LRRC4C: variants seen among roughly 807,000 people sequenced by gnomAD.
The protein encoded by LRRC4C is leucine-rich repeat-containing protein 4C.
LRRC4C carries 5 observed loss-of-function variants against 33.6 expected under a neutral mutation model. That is an observed-to-expected ratio of 0.15 (90% confidence interval 0.08 to 0.31). The LOEUF is 0.31. Among genes scored for constraint, LRRC4C ranks in the 10% least tolerant of loss-of-function variants. LRRC4C has a pLI of 1.00. For missense variants in LRRC4C, 560 were observed against 796.7 expected (o/e 0.70, Z 3.58); for synonymous variants, 329 against 302.0 (o/e 1.09, Z -0.93).
At chr11:41,191,377 A>G (rs1018724580) in intron 1 of LRRC4C, among the ~76,000 whole-genome samples, 1 of 152,162 alleles carries the variant, frequency 6.6e-6, no homozygotes, top group Non-Finnish European at 1.5e-5. Context: ...CAATTATAGA[A>G]GAATTATTTG....
chr11:40,550,153 A>G (rs1957078120), intron 3 of LRRC4C, among the ~76,000 whole-genome samples: 1 of 152,172 alleles, frequency 6.6e-6, no homozygotes, highest in Admixed American at 6.6e-5. Flanking sequence ...GAGGTCAACA[A>G]GCATATTCAC....
At chr11:41,281,788 C>A (rs957221551) in intron 1 of LRRC4C, among the ~76,000 whole-genome samples, 4 of 152,218 alleles carry the variant, frequency 2.6e-5, no homozygotes, top group Non-Finnish European at 4.4e-5. Context: ...CATTAAGCCA[C>A]TCCAACAATC....
At chr11:40,982,842 G>A (rs145380057) in intron 1 of LRRC4C, among the ~76,000 whole-genome samples, 18 of 151,916 alleles carry the variant, frequency 1.2e-4, no homozygotes, top group African/African-American at 4.3e-4. Flanking sequence ...CCCTCCAATG[G>A]TCCCCAGGGT....
intron 1 of LRRC4C, among the ~76,000 whole-genome samples, chr11:41,041,221 AG>A (rs1343357327): frequency 6.6e-6 from 1 of 152,176 alleles, no homozygotes; most frequent in African/African-American, 2.4e-5. Context: ...TCTTATAGCA[AG>A]GTTGGTTATA....
chr11:40,311,770 C>T (rs556659102), intron 4 of LRRC4C, among the ~76,000 whole-genome samples: 11 of 151,918 alleles, frequency 7.2e-5, no homozygotes, highest in Admixed American at 2.6e-4. Flanking sequence ...CTTGGTGAAA[C>T]CCTGTCTCTA....
chr11:40,221,707 G>A (rs1416413380), intron 5 of LRRC4C, among the ~76,000 whole-genome samples: 1 of 152,066 alleles, frequency 6.6e-6, no homozygotes, highest in Non-Finnish European at 1.5e-5. Flanking sequence ...TGACCTAATC[G>A]GTTATGCTAT....
At chr11:41,416,508 T>G (rs1399588953) in intron 1 of LRRC4C, among the ~76,000 whole-genome samples, 2 of 152,028 alleles carry the variant, frequency 1.3e-5, no homozygotes, top group Admixed American at 6.6e-5. Context: ...TGATGTAGCA[T>G]TAATATAGAA....
chr11:41,302,211 A>G (rs1246163754), intron 1 of LRRC4C, among the ~76,000 whole-genome samples: 2 of 152,230 alleles, frequency 1.3e-5, no homozygotes, highest in African/African-American at 4.8e-5. Context: ...ATAGGTTATA[A>G]CAGAAATTGA....
At chr11:40,410,316 C>T (rs1276027867) in intron 3 of LRRC4C, among the ~76,000 whole-genome samples, 1 of 152,086 alleles carries the variant, frequency 6.6e-6, no homozygotes, top group African/African-American at 2.4e-5. Context: ...TGTCAACATG[C>T]AATCAATATA....
intron 1 of LRRC4C, among the ~76,000 whole-genome samples, chr11:41,030,300 G>A (rs911514273): frequency 2.2e-4 from 34 of 151,812 alleles, no homozygotes; most frequent in African/African-American, 8.2e-4. Context: ...AGAGAACGGA[G>A]TCAAAATATT....
intron 3 of LRRC4C, among the ~76,000 whole-genome samples, chr11:40,413,917 C>T (rs1950236075): frequency 6.6e-6 from 1 of 152,032 alleles, no homozygotes; most frequent in African/African-American, 2.4e-5. Context: ...TCTTCTCAAT[C>T]CCAAGGTCTT....
chr11:41,330,801 G>A (rs1259253734), intron 1 of LRRC4C, among the ~76,000 whole-genome samples: 1 of 151,696 alleles, frequency 6.6e-6, no homozygotes, highest in Admixed American at 6.6e-5. Context: ...CTTTTAATAA[G>A]ATTATAAGTA....
At chr11:40,653,765 A>T (rs572193405) in intron 2 of LRRC4C, among the ~76,000 whole-genome samples, 1 of 152,342 alleles carries the variant, frequency 6.6e-6, no homozygotes, top group East Asian at 1.9e-4. Flanking sequence ...CTAATCACCA[A>T]GAAAATGGGG....
chr11:40,984,757 C>A (rs765958514), intron 1 of LRRC4C, among the ~76,000 whole-genome samples: 1 of 152,022 alleles, frequency 6.6e-6, no homozygotes, highest in Non-Finnish European at 1.5e-5. Context: ...GAATCATCAA[C>A]TTTCATGGAG....
chr11:40,936,058 ATATAT>A (rs1565219380), intron 1 of LRRC4C, among the ~76,000 whole-genome samples: 5 of 106,292 alleles, frequency 4.7e-5, no homozygotes, highest in African/African-American at 1.1e-4. Context: ...ATATATATAT[ATATAT>A]ATAACATAGT....
intron 1 of LRRC4C, among the ~76,000 whole-genome samples, chr11:41,278,611 T>C (rs1411199345): frequency 6.6e-6 from 1 of 152,208 alleles, no homozygotes; most frequent in African/African-American, 2.4e-5. Flanking sequence ...TCGCCCCCTG[T>C]GTTTCTGATT....
At chr11:40,696,744 C>CTG (rs147885633) in intron 2 of LRRC4C, among the ~76,000 whole-genome samples, 1,743 of 62,198 alleles carry the variant, frequency 0.028, 104 homozygotes, top group Admixed American at 0.17. Context: ...TATATATACA[C>CTG]TGTGTATATA....
intron 3 of LRRC4C, among the ~76,000 whole-genome samples, chr11:40,341,195 G>A (rs1163888913): frequency 2.0e-5 from 3 of 152,140 alleles, no homozygotes; most frequent in African/African-American, 7.2e-5. Context: ...CTTTGCAATA[G>A]TTTGCTGAGA....
intron 1 of LRRC4C, among the ~76,000 whole-genome samples, chr11:41,458,066 T>C (rs972588084): frequency 2.0e-5 from 3 of 152,180 alleles, no homozygotes; most frequent in Non-Finnish European, 4.4e-5. Flanking sequence ...TTGGGTGCTC[T>C]CATAAATCTT....
Sources: gnomAD v4.1 joint callset for allele counts (sites outside exome capture counted in the v4.1 genomes callset) on GRCh38, gnomAD v4.1.1 for gene constraint, MANE v1.5 for transcripts, NCBI Gene and HGNC (gene_info 2026-07-23, HGNC 2026-07-21) for gene names.